BCOR: variants seen among roughly 807,000 people sequenced by gnomAD.
BCOR encodes the protein BCL-6 corepressor.
Under a neutral mutation model 86.7 loss-of-function variants are expected in BCOR, and 10 were observed. That is an observed-to-expected ratio of 0.12 (90% CI 0.07 to 0.20). The LOEUF (loss-of-function observed/expected upper bound fraction) is 0.20. BCOR is among the 10% of genes least tolerant of loss of function. The probability of loss-of-function intolerance (pLI) is 1.00; values close to 1 mark genes in which losing one functional copy is unlikely to be tolerated. For synonymous variants in BCOR, 611 were observed against 609.0 expected, an observed-to-expected ratio of 1.00 and a Z score of -0.05; for missense variants, 1,259 against 1,452.1, an observed-to-expected ratio of 0.87 and a Z score of 2.16.
intron 1 of BCOR, among the ~76,000 whole-genome samples, chrX:40,111,748 G>A (rs1050478120): frequency 2.7e-5 from 3 of 111,963 alleles, no homozygotes; most frequent in Non-Finnish European, 5.6e-5. Context: ...ACACTGCAGG[G>A]GAGTGCCCCC....
chrX:40,088,319 C>T (rs898093961), intron 1 of BCOR, among the ~76,000 whole-genome samples: 2 of 112,561 alleles, frequency 1.8e-5, no homozygotes, highest in African/African-American at 3.2e-5. Flanking sequence ...GCGCTAAAAT[C>T]GGGGGGAAAC....
chrX:40,174,902 G>A (rs925542760), intron 1 of BCOR, among the ~76,000 whole-genome samples: 5 of 113,170 alleles, frequency 4.4e-5, no homozygotes, highest in African/African-American at 1.6e-4. Context: ...GATCTTGGTT[G>A]GAATATACAC....
intron 1 of BCOR, among the ~76,000 whole-genome samples, chrX:40,160,821 G>A (rs767839703): frequency 4.8e-5 from 5 of 103,902 alleles, no homozygotes; most frequent in African/African-American, 1.4e-4. Flanking sequence ...ACTCCGCCAC[G>A]CCCGGCTAAT....
At chrX:40,160,825 G>A (rs1860913371) in intron 1 of BCOR, among the ~76,000 whole-genome samples, 2 of 104,870 alleles carry the variant, frequency 1.9e-5, no homozygotes, top group South Asian at 4.3e-4. Context: ...CGCCACGCCC[G>A]GCTAATTTTT....
chrX:40,060,794 C>A (rs1350893628), intron 10 of BCOR, among the ~76,000 whole-genome samples: 1 of 112,769 alleles, frequency 8.9e-6, no homozygotes, highest in African/African-American at 3.2e-5. Context: ...CAAAGATAAT[C>A]CAGAGATATC....
At chrX:40,126,477 A>T (rs1388502133) in intron 1 of BCOR, among the ~76,000 whole-genome samples, 1 of 109,487 alleles carries the variant, frequency 9.1e-6, no homozygotes, top group African/African-American at 3.3e-5. Context: ...GTGAGCCGAG[A>T]TCGTGCCATT....
upstream of BCOR, among the ~76,000 whole-genome samples, chrX:40,098,433 G>T (rs1475065902): frequency 4.5e-5 from 5 of 111,251 alleles, no homozygotes; most frequent in African/African-American, 1.6e-4. Context: ...GGCGGCGGCG[G>T]CGGCGAGGGC....
chrX:40,065,103 G>A (rs1935134163), intron 6 of BCOR, among the ~76,000 whole-genome samples: 1 of 111,679 alleles, frequency 9.0e-6, no homozygotes, highest in East Asian at 2.8e-4. Flanking sequence ...GCCAACCGGG[G>A]AGATGAAAAT....
chrX:40,143,613 G>A (rs1937972472), intron 1 of BCOR, among the ~76,000 whole-genome samples: 1 of 112,769 alleles, frequency 8.9e-6, no homozygotes, highest in Non-Finnish European at 1.9e-5. Flanking sequence ...TTTGGAGTAG[G>A]AAACAAAAGC....
upstream of BCOR, among the ~76,000 whole-genome samples, chrX:40,102,733 C>T (rs1426753386): frequency 1.8e-5 from 2 of 113,591 alleles, no homozygotes; most frequent in African/African-American, 6.4e-5. Flanking sequence ...CGCGGTACCA[C>T]TCCCGAACTG....
Position 40,075,162 on chromosome X carries a change from G to A in BCOR, c.184C>T (p.His62Tyr), listed in dbSNP as rs1170638648. 8.3e-7 allele frequency: 1 copy of A among 1,209,085 alleles called. No homozygotes were observed. Among genetic ancestry groups the A allele is most frequent in the Admixed American group, 2.2e-5 (1 of 45,835 alleles). The change falls in exon 4 of 15, where the codon CAT becomes TAT. Residue 62 changes from histidine to tyrosine, a missense_variant. Around this residue, in one of 7 missense-constraint regions of BCOR, gnomAD observed 174 missense variants for 189.3 expected, o/e 0.92. Coordinates refer to ENST00000378444, the MANE Select transcript of BCOR (RefSeq NM_001123385.2). ...NHNVVDASTA[H>Y]RIDGLAALSM... ...AGTGCTGCCAGGCCATCGATCCTATGGGCCGTGCTCGCATCCACCTTTGCA... is the reference window on the plus strand; with the variant it reads ...AGTGCTGCCAGGCCATCGATCCTATAGGCCGTGCTCGCATCCACCTTTGCA...
At chrX:40,130,730 G>GA (rs1298426390) in intron 1 of BCOR, among the ~76,000 whole-genome samples, 2 of 112,331 alleles carry the variant, frequency 1.8e-5, no homozygotes, top group African/African-American at 3.2e-5. Context: ...GTGTGGGCCA[G>GA]AGGGGCAAAC....
At chrX:40,078,933 G>A (rs1192174608) in intron 1 of BCOR, among the ~76,000 whole-genome samples, 4 of 110,277 alleles carry the variant, frequency 3.6e-5, no homozygotes, top group East Asian at 2.9e-4. Flanking sequence ...TTATCACGGC[G>A]CGTGATTTAT....
chrX:40,176,737 G>C (rs1318460577), intron 1 of BCOR, among the ~76,000 whole-genome samples: 1 of 111,533 alleles, frequency 9.0e-6, no homozygotes, highest in Non-Finnish European at 1.9e-5. Flanking sequence ...GAGTCAGCCG[G>C]TTCCACCTTC....
In BCOR at chrX:40,074,585, C is replaced by T. The variant is rs2147263152; in HGVS notation, c.761G>A (p.Gly254Asp). Residue 254 changes from glycine to aspartate, a missense_variant, in exon 4 of 15, where the codon GGT becomes GAT. By Grantham distance (94) the Gly-to-Asp change is moderately conservative. This residue lies in a region of BCOR where 534 missense variants were observed against 594.8 expected (regional missense o/e 0.90). Transcript: ENST00000378444. ...TGCCAAGGACGATGGGATGTGGGGA[C>T]CGACGTAGTGAGGTGGCGGCAGGTA... is the stretch of plus-strand genomic sequence containing the variant. ...FLYLPPPHYV[G>D]PHIPSSLASP... The T allele has an allele frequency of 8.3e-7, 1 of 1,211,748 alleles. No homozygotes were observed. The highest frequency in any genetic ancestry group is 1.1e-6 in the Non-Finnish European group (1 of 895,398).
At chrX:40,068,849 T>C (rs952317337) in intron 6 of BCOR, among the ~76,000 whole-genome samples, 2 of 113,054 alleles carry the variant, frequency 1.8e-5, no homozygotes, top group African/African-American at 6.4e-5. Context: ...AATTCAGTTT[T>C]TTTAAACAAG....
At chrX:40,113,758 A>G (rs1354290073) in intron 1 of BCOR, among the ~76,000 whole-genome samples, 1 of 102,773 alleles carries the variant, frequency 9.7e-6, no homozygotes, top group Non-Finnish European at 2.1e-5. Flanking sequence ...CATATTGATG[A>G]AAAAAAAATC....
intron 1 of BCOR, among the ~76,000 whole-genome samples, chrX:40,127,183 G>T (rs1317088521): frequency 8.9e-6 from 1 of 112,285 alleles, no homozygotes; most frequent in African/African-American, 3.2e-5. Context: ...TGACTTCTGA[G>T]GAGAAGCCTT....
At chrX:40,146,122 C>T (rs12559842) in intron 1 of BCOR, among the ~76,000 whole-genome samples, 3 of 112,090 alleles carry the variant, frequency 2.7e-5, no homozygotes, top group Non-Finnish European at 3.8e-5. Flanking sequence ...ATTCCGACTG[C>T]GAAAGCCATT....
Sources: allele counts gnomAD v4.1 joint callset (sites outside exome capture counted in the v4.1 genomes callset), GRCh38; gene constraint gnomAD v4.1.1; regional missense constraint gnomAD v4.1.1; transcripts MANE v1.5; gene names NCBI Gene and HGNC (gene_info 2026-07-23, HGNC 2026-07-21).